Variants in ALG14 observed in about 807,000 individuals in gnomAD.
The protein encoded by ALG14 is ALG14 UDP-N-acetylglucosaminyltransferase subunit.
A neutral mutation model predicts 22.8 loss-of-function variants in ALG14; 17 were observed. The ratio of observed to expected loss-of-function variants is 0.75; its 90% confidence interval spans 0.51 to 1.12. ALG14 has a LOEUF of 1.12. Among genes scored for constraint, ALG14 ranks in the 50% most tolerant of loss-of-function variants. The pLI is 0.00. For missense variants in ALG14, 288 were observed against 271.8 expected, an observed-to-expected ratio of 1.06 and a Z score of -0.42; for synonymous variants, 89 against 103.7, an observed-to-expected ratio of 0.86 and a Z score of 0.86.
chr1:94,996,818 A>G (rs980155233), intron 3 of ALG14, among the ~76,000 whole-genome samples: 4 of 152,006 alleles, frequency 2.6e-5, no homozygotes, highest in African/African-American at 7.3e-5. Context: ...AGTAGCTGGG[A>G]TTACAGGTGC....
chr1:95,061,531 G>A (rs1675150148), intron 2 of ALG14: 1 of 152,154 alleles, frequency 6.6e-6, no homozygotes, highest in South Asian at 2.1e-4. Flanking sequence ...TGGGAACAAA[G>A]GGAGTGGGGT....
chr1:95,045,302 C>T (rs1674510969), intron 2 of ALG14, among the ~76,000 whole-genome samples: 1 of 152,152 alleles, frequency 6.6e-6, no homozygotes, highest in African/African-American at 2.4e-5. Context: ...AGGGCCAAAA[C>T]AAAACACAGT....
At chr1:95,059,608 C>T (rs1369137318) in intron 2 of ALG14, among the ~76,000 whole-genome samples, 1 of 151,690 alleles carries the variant, frequency 6.6e-6, no homozygotes, top group Admixed American at 6.6e-5. Context: ...ATTATCTTCA[C>T]AATATCTAAT....
chr1:95,007,832 T>G (rs768743466), intron 3 of ALG14, among the ~76,000 whole-genome samples: 14 of 152,214 alleles, frequency 9.2e-5, no homozygotes, highest in Non-Finnish European at 1.6e-4. Flanking sequence ...GCCATGGAAG[T>G]CTAAGCACTT....
chr1:95,043,369 T>C (rs962127288), intron 2 of ALG14, among the ~76,000 whole-genome samples: 1 of 152,158 alleles, frequency 6.6e-6, no homozygotes, highest in Non-Finnish European at 1.5e-5. Flanking sequence ...TCTTGGCATC[T>C]GGTGGATAAA....
At position 95,038,681 on chromosome 1, in the gene ALG14, CAA is replaced by C. The variant is rs34228707; in HGVS notation, c.289-11423_289-11422del. Among the ~76,000 whole-genome samples, 32 of 94,750 alleles carry C rather than the reference CAA, an allele frequency of 3.4e-4. No individual in the cohort carries two copies. The South Asian group carries it at 5.6e-3, about 17-fold the overall frequency. 62.2% of individuals were successfully genotyped at this position (94,750 alleles called of 152,430 possible). A position where few individuals can be genotyped will look rare whatever the true frequency, so the allele number is the denominator to read the frequency against. The stretch of plus-strand genomic sequence containing the variant: ...GGGCAACAAGAACAAAACTTCACCT[CAA>C]AAAAAAAAAAAAACAAAGTGATAAA... On this transcript the variant is annotated intron_variant, in intron 2 of 3. Transcript: ENST00000370205.
Position 95,072,946 on chromosome 1 carries a change from A to T in ALG14, c.-48T>A. The T allele has an allele frequency of 1.2e-6, 2 of 1,610,526 alleles. No individual in the cohort carries two copies. On this transcript the variant is annotated 5_prime_UTR_variant, in exon 1 of 4. Transcript: ENST00000370205. ...CAACTTCCGGGGACCAGCCGCTGTCAAAGTTCACAACTACGGGTGCCGAAG... is the reference window on the plus strand; with the variant it reads ...CAACTTCCGGGGACCAGCCGCTGTCTAAGTTCACAACTACGGGTGCCGAAG...
intron 2 of ALG14, among the ~76,000 whole-genome samples, chr1:95,057,138 A>T (rs904115413): frequency 6.6e-6 from 1 of 150,636 alleles, no homozygotes; most frequent in Non-Finnish European, 1.5e-5. Flanking sequence ...ATACCGTTTT[A>T]TATATATATA....
rs1672404233 is a variant in ALG14, at chr1:94,976,758, T to C, written c.*6318A>G. ...GATTTACATGCCCTGGATAATCTAC[T>C]ATCCGTTAGTATGGGTGGGATCTGT... On this transcript the variant is annotated 3_prime_UTR_variant, in exon 4 of 4. Transcript: ENST00000370205. 6.6e-6 allele frequency: 1 copy of C among 152,188 alleles called. No homozygotes were observed. Among genetic ancestry groups the C allele is most frequent in the African/African-American group, 2.4e-5 (1 of 41,460 alleles). 9.4% of individuals were successfully genotyped at this position (152,188 alleles called of 1,614,324 possible).
chr1:94,996,707 G>A (rs557231408), intron 3 of ALG14, among the ~76,000 whole-genome samples: 2 of 152,056 alleles, frequency 1.3e-5, no homozygotes, highest in Non-Finnish European at 2.9e-5. Flanking sequence ...TTGAGATGGA[G>A]TTTTACTCTT....
At chr1:95,055,876 G>A (rs1490422101) in intron 2 of ALG14, among the ~76,000 whole-genome samples, 2 of 149,006 alleles carry the variant, frequency 1.3e-5, no homozygotes, top group African/African-American at 4.9e-5. Context: ...CAGGCGTGGT[G>A]GCGGGTGCCT....
intron 2 of ALG14, among the ~76,000 whole-genome samples, chr1:95,037,589 C>T (rs912646891): frequency 6.6e-6 from 1 of 152,162 alleles, no homozygotes; most frequent in African/African-American, 2.4e-5. Flanking sequence ...TAGGGATATG[C>T]CTGGGCAACC....
intron 1 of ALG14, among the ~76,000 whole-genome samples, chr1:95,071,199 G>T (rs184676329): frequency 1.3e-5 from 2 of 152,188 alleles, no homozygotes; most frequent in African/African-American, 4.8e-5. Context: ...CTAGAGGCCT[G>T]TGGTCTTAAC....
chr1:95,003,723 G>A (rs774430449), intron 3 of ALG14, among the ~76,000 whole-genome samples: 1 of 152,106 alleles, frequency 6.6e-6, no homozygotes, highest in Non-Finnish European at 1.5e-5. Context: ...GCCCCTCAAA[G>A]TGTTGGGATT....
chr1:95,050,116 A>G (rs1202461803), intron 2 of ALG14, among the ~76,000 whole-genome samples: 2 of 152,210 alleles, frequency 1.3e-5, no homozygotes, highest in African/African-American at 4.8e-5. Context: ...ACCAGAACCA[A>G]GTGTGAATCG....
Position 94,979,799 on chromosome 1 carries a change from G to A in ALG14, c.*3277C>T, listed in dbSNP as rs956824495. 29 of 152,188 alleles carry A rather than the reference G, an allele frequency of 1.9e-4. No homozygotes were observed. Among genetic ancestry groups the A allele is most frequent in the African/African-American group, 6.3e-4 (26 of 41,440 alleles). 9.4% of individuals were successfully genotyped at this position (152,188 alleles called of 1,614,324 possible). On this transcript the variant is annotated 3_prime_UTR_variant, in exon 4 of 4. Transcript: ENST00000370205. ...TCATGTTTAAAATGAGTGGGCAGCAGGAACACAGTTGTAGATGATTTGTTT... is the reference window on the plus strand; with the variant it reads ...TCATGTTTAAAATGAGTGGGCAGCAAGAACACAGTTGTAGATGATTTGTTT...
At chr1:95,028,043 C>T (rs369277009) in intron 2 of ALG14, among the ~76,000 whole-genome samples, 1 of 152,182 alleles carries the variant, frequency 6.6e-6, no homozygotes, top group African/African-American at 2.4e-5. Context: ...GAAGATATCC[C>T]AAGACACGTT....
intron 2 of ALG14, among the ~76,000 whole-genome samples, chr1:95,040,996 T>C (rs1320448246): frequency 6.6e-6 from 1 of 152,178 alleles, no homozygotes; most frequent in African/African-American, 2.4e-5. Context: ...GAAGGAATAA[T>C]TGAGATTTGG....
intron 1 of ALG14, among the ~76,000 whole-genome samples, chr1:95,070,724 T>C (rs1188082177): frequency 3.3e-5 from 5 of 152,296 alleles, no homozygotes; most frequent in Admixed American, 2.6e-4. Context: ...TTTAAGCTTT[T>C]GATTATATCA....
Sources: gnomAD v4.1 joint callset for allele counts (sites outside exome capture counted in the v4.1 genomes callset) on GRCh38, gnomAD v4.1.1 for gene constraint, MANE v1.5 for transcripts, NCBI Gene and HGNC (gene_info 2026-07-23, HGNC 2026-07-21) for gene names.